CRTAP: variants seen among roughly 807,000 people sequenced by gnomAD.
CRTAP encodes cartilage associated protein.
Under a neutral mutation model 42.7 loss-of-function variants are expected in CRTAP, and 33 were observed. The ratio of observed to expected loss-of-function variants is 0.77; its 90% CI spans 0.59 to 1.03. The LOEUF (loss-of-function observed/expected upper bound fraction) is 1.03. Among genes scored for constraint, CRTAP ranks in the 50% least tolerant of loss-of-function variants. CRTAP has a pLI of 0.00. For missense variants in CRTAP, 613 were observed against 533.9 expected, an observed-to-expected ratio of 1.15 and a Z score of -1.46; for synonymous variants, 243 against 217.7, an observed-to-expected ratio of 1.12 and a Z score of -1.02.
At chr3:33,141,003 T>G (rs199651704) in intron 6 of CRTAP, among the ~76,000 whole-genome samples, 1 of 3,904 alleles carries the variant, frequency 2.6e-4, no homozygotes, top group Non-Finnish European at 4.9e-4. Flanking sequence ...AAGACTGCTG[T>G]TTTTTTTTGT....
Position 33,130,055 on chromosome 3 carries a change from G to A in CRTAP, c.910G>A (p.Ala304Thr). ...VATMYHYLQF[A>T]YYKLNDLKNA... ...TACCATGTATCATTACTTGCAGTTT[G>A]CCTATTATAAGTGTAAGTAATCTTC... The change falls in exon 4 of 7, where the codon GCC becomes ACC. Residue 304 changes from alanine (A) to threonine (T), a missense_variant. Physicochemically the swap from Ala to Thr is moderately conservative, Grantham distance 58. Coordinates refer to ENST00000320954, the MANE Select transcript of CRTAP (RefSeq NM_006371.5). 1.2e-6 allele frequency: 2 copies of A among 1,613,692 alleles called. No individual in the cohort carries two copies. The highest frequency in any genetic ancestry group is 1.1e-5 in the South Asian group (1 of 91,078).
chr3:33,118,503 C>T (rs1285488374), intron 1 of CRTAP, among the ~76,000 whole-genome samples: 1 of 152,264 alleles, frequency 6.6e-6, no homozygotes, highest in Non-Finnish European at 1.5e-5. Context: ...CCACCCACCA[C>T]TTCTCTGATG....
At chr3:33,129,829 G>C (rs977511921) in intron 3 of CRTAP, 110 bp from the exon 4 acceptor site, 2 of 1,111,492 alleles carry the variant, frequency 1.8e-6, no homozygotes, top group Non-Finnish European at 2.7e-6. Flanking sequence ...GAGCCACCGC[G>C]CCCGGCCTGT....
At position 33,119,498 on chromosome 3, in the gene CRTAP, A is replaced by ATTT. The variant is rs5847773; in HGVS notation, c.472-839_472-837dup. Among the ~76,000 whole-genome samples the ATTT allele has an allele frequency of 0.18, 27,436 of 151,076 alleles. 3,634 individuals carry two copies. The highest frequency in any genetic ancestry group is 0.57 in the East Asian group (2,922 of 5,086). ...GAATATATGGTCCATGCAGGTGGGG[A>ATTT]TTTTTTTTTCCTGTTTTGCTTATTG... On this transcript the variant is annotated intron_variant, in intron 1 of 6. Coordinates refer to ENST00000320954, the MANE Select transcript of CRTAP (RefSeq NM_006371.5).
At chr3:33,138,016 T>C (rs924636297) in intron 6 of CRTAP, among the ~76,000 whole-genome samples, 1 of 152,202 alleles carries the variant, frequency 6.6e-6, no homozygotes, top group Non-Finnish European at 1.5e-5. Flanking sequence ...AATGTGAGAG[T>C]TAATTTTCCA....
chr3:33,119,404 C>T (rs1235000822), intron 1 of CRTAP, among the ~76,000 whole-genome samples: 2 of 152,068 alleles, frequency 1.3e-5, no homozygotes, highest in Non-Finnish European at 2.9e-5. Context: ...TGCGGGAAGA[C>T]AGAACCCAGA....
intron 6 of CRTAP, among the ~76,000 whole-genome samples, chr3:33,136,835 C>A (rs2030434524): frequency 6.6e-6 from 1 of 152,152 alleles, no homozygotes; most frequent in Non-Finnish European, 1.5e-5. Context: ...ATACCTTCCA[C>A]CAGGCCCCAC....
At chr3:33,129,164 G>A (rs540902824) in intron 3 of CRTAP, among the ~76,000 whole-genome samples, 87 of 152,162 alleles carry the variant, frequency 5.7e-4, no homozygotes, top group Non-Finnish European at 9.6e-4. Flanking sequence ...GTAGACAGCT[G>A]GGTTGGAAAA....
chr3:33,115,789 G>A (rs1168486643), intron 1 of CRTAP, among the ~76,000 whole-genome samples: 1 of 151,776 alleles, frequency 6.6e-6, no homozygotes, highest in Non-Finnish European at 1.5e-5. Flanking sequence ...AGAGCCACGT[G>A]TATATTGTAT....
At chr3:33,121,948 A>G (rs979376040) in intron 2 of CRTAP, among the ~76,000 whole-genome samples, 16 of 152,042 alleles carry the variant, frequency 1.1e-4, no homozygotes, top group African/African-American at 3.9e-4. Context: ...GTGGTCCCTC[A>G]TGCCTGCGCA....
In CRTAP at chr3:33,144,817, A is replaced by G. The variant is rs2030677220; in HGVS notation, c.*2369A>G. 6.6e-6 allele frequency: 1 copy of G among 152,262 alleles called. No homozygotes were observed. Among genetic ancestry groups the G allele is most frequent in the Non-Finnish European group, 1.5e-5 (1 of 68,084 alleles). 9.4% of individuals were successfully genotyped at this position (152,262 alleles called of 1,614,324 possible). On this transcript the variant is annotated 3_prime_UTR_variant, in exon 7 of 7. Coordinates refer to ENST00000320954, the MANE Select transcript of CRTAP (RefSeq NM_006371.5). ...TGGGAAATGGGAAATCAGCCAAAGGACTGAGAAGGAGTTACCTTAAGGTCA... is the reference window on the plus strand; with the variant it reads ...TGGGAAATGGGAAATCAGCCAAAGGGCTGAGAAGGAGTTACCTTAAGGTCA...
At position 33,142,740 on chromosome 3, in the gene CRTAP, C is replaced by T. The variant is rs2030613372; in HGVS notation, c.*292C>T. 8.9e-6 allele frequency: 3 copies of T among 338,906 alleles called. No individual in the cohort carries two copies. The highest frequency in any genetic ancestry group is 2.1e-5 in the African/African-American group (1 of 48,146). The allele number at this position is 338,906 out of a possible 1,614,324, so 21.0% of individuals were successfully genotyped here. A position where few individuals can be genotyped will look rare whatever the true frequency, so the allele number is the denominator to read the frequency against. ...CACGTTCTCAGCTCACTGCAACCTC[C>T]GCCTCTTGGGTTCAAGCAATTCTGC... On this transcript the variant is annotated 3_prime_UTR_variant, in exon 7 of 7. Coordinates refer to ENST00000320954, the MANE Select transcript of CRTAP (RefSeq NM_006371.5).
intron 4 of CRTAP, among the ~76,000 whole-genome samples, chr3:33,131,629 G>A (rs1017362335): frequency 2.0e-5 from 3 of 152,168 alleles, no homozygotes; most frequent in East Asian, 3.9e-4. Flanking sequence ...TATGAATGAA[G>A]TGTACTTCCT....
intron 3 of CRTAP, among the ~76,000 whole-genome samples, 196 bp downstream of exon 3, chr3:33,124,775 C>CT (rs1279471922): frequency 6.6e-6 from 1 of 152,188 alleles, no homozygotes; most frequent in Non-Finnish European, 1.5e-5. Flanking sequence ...AGTGAAATCA[C>CT]TGAGAGAAGG....
rs114946269 is a variant in CRTAP, at chr3:33,114,209, C to G, written c.132C>G (p.Leu44=). The change falls in exon 1 of 7, where the codon CTC becomes CTG. Residue 44 remains leucine, a synonymous_variant. Coordinates refer to ENST00000320954, the MANE Select transcript of CRTAP (RefSeq NM_006371.5). ...TCCCACGGGACGAGCTGATGCCGCTCGAGTCGGCCTACCGGCACGCGCTGG... is the reference window on the plus strand; with the variant it reads ...TCCCACGGGACGAGCTGATGCCGCTGGAGTCGGCCTACCGGCACGCGCTGG... The part of the protein sequence containing the change: ...RSFPRDELMP[L]ESAYRHALDK... The G allele has an allele frequency of 3.8e-6, 6 of 1,593,848 alleles. No homozygotes were observed. The highest frequency in any genetic ancestry group is 2.7e-5 in the African/African-American group (2 of 73,920).
At chr3:33,124,366 A>C in intron 2 of CRTAP, 42 bp from the exon 3 acceptor site, 1 of 1,612,484 alleles carries the variant, frequency 6.2e-7, no homozygotes, top group African/African-American at 1.3e-5. Context: ...GTCTCCCTTC[A>C]CGCCCAAGAG....
At chr3:33,138,123 C>T (rs1311669786) in intron 6 of CRTAP, among the ~76,000 whole-genome samples, 1 of 151,790 alleles carries the variant, frequency 6.6e-6, no homozygotes, top group East Asian at 1.9e-4. Context: ...ATTACGTGGA[C>T]TTTCAACCAA....
At chr3:33,116,511 A>G (rs1221066309) in intron 1 of CRTAP, among the ~76,000 whole-genome samples, 2 of 152,182 alleles carry the variant, frequency 1.3e-5, no homozygotes, top group African/African-American at 2.4e-5. Flanking sequence ...GGCATGTGCC[A>G]CCACACCCAG....
chr3:33,141,239 C>T (rs945469469), intron 6 of CRTAP, among the ~76,000 whole-genome samples: 6 of 152,102 alleles, frequency 3.9e-5, no homozygotes, highest in African/African-American at 1.2e-4. Flanking sequence ...ACCATCATCC[C>T]GCAAGTCACA....
Sources: gnomAD v4.1 joint callset for allele counts (sites outside exome capture counted in the v4.1 genomes callset) on GRCh38, gnomAD v4.1.1 for gene constraint, MANE v1.5 for transcripts, NCBI Gene and HGNC (gene_info 2026-07-23, HGNC 2026-07-21) for gene names.